The following CAPN2 variants were observed in gnomAD, a reference collection of about 807,000 sequenced individuals.
The protein encoded by CAPN2 is calpain-2 catalytic subunit.
In CAPN2, 92 loss-of-function variants were observed where a neutral mutation model predicts 102.3. The observed-to-expected ratio is 0.90, with a 90% CI of 0.76 to 1.07. The LOEUF is 1.07. Ranked by LOEUF, CAPN2 falls within the 50% of genes least tolerant of loss-of-function variation. The pLI is 0.00. For missense variants in CAPN2, 800 were observed against 909.4 expected, an observed-to-expected ratio of 0.88 and a Z score of 1.55; for synonymous variants, 340 against 355.4, an observed-to-expected ratio of 0.96 and a Z score of 0.49.
intron 12 of CAPN2, 45 bp from the exon 13 acceptor site, chr1:223,761,536 C>T (rs747098377): frequency 6.4e-7 from 1 of 1,561,918 alleles, no homozygotes. Context: ...TTCCTTTTTG[C>T]CCTCGCCTGC....
rs190994778 is a variant in CAPN2 at position 223,772,130 on chromosome 1, G to C, written c.2021-51G>C. On this transcript the variant is annotated intron_variant, in intron 19 of 20. Transcript: ENST00000295006. ...TGCTGAACTGAAAAGAGGATAATGTGATCTGTTTCAGCTCACTCACTTGTG... is the reference window on the plus strand; with the variant it reads ...TGCTGAACTGAAAAGAGGATAATGTCATCTGTTTCAGCTCACTCACTTGTG... 23 of 1,531,332 alleles carry C rather than the reference G, an allele frequency of 1.5e-5. No individual in the cohort carries two copies. The East Asian group carries it at 5.2e-4, about 34-fold the overall frequency. The allele number at this position is 1,531,332 out of a possible 1,614,324, so 94.9% of individuals were successfully genotyped here.
intron 1 of CAPN2, among the ~76,000 whole-genome samples, chr1:223,702,969 C>G (rs1659520638): frequency 6.6e-6 from 1 of 152,216 alleles, no homozygotes; most frequent in African/African-American, 2.4e-5. Context: ...CTGCTGGACA[C>G]AGAGAGTAAG....
intron 2 of CAPN2, among the ~76,000 whole-genome samples, chr1:223,738,829 T>G (rs953788632): frequency 6.6e-6 from 1 of 152,248 alleles, no homozygotes; most frequent in African/African-American, 2.4e-5. Context: ...TGAAAGTGGT[T>G]CATGTGCAGG....
rs751394502 is a variant in CAPN2, at chr1:223,771,830, TCCA to T, written c.1929_1931del (p.His643del). ...TCAGGTTTCAAGATGCCCTGTCAAC[TCCA>T]CCAAGTCATCGTTGCTCGGTTTGCA... On this transcript the variant is annotated inframe_deletion, in exon 19 of 21. Coordinates refer to ENST00000295006, the MANE Select transcript of CAPN2 (RefSeq NM_001748.5). 11 of 1,613,360 alleles carry T rather than the reference TCCA, an allele frequency of 6.8e-6. No individual in the cohort carries two copies. The highest frequency in any genetic ancestry group is 7.6e-6 in the Non-Finnish European group (9 of 1,179,354).
chr1:223,741,463 TA>T lies in CAPN2; in HGVS notation c.308-2636del, dbSNP rs1283988865. On this transcript the variant is annotated intron_variant, in intron 2 of 20. Transcript: ENST00000295006. Reference sequence around the variant, plus strand: ...GTGTATATATATATATATATATATATATATATTTGAGAGGGAGTCTCATTCT... The same window carrying T: ...GTGTATATATATATATATATATATATTATATTTGAGAGGGAGTCTCATTCT... Among the ~76,000 whole-genome samples, 1,219 of 145,666 alleles carry T rather than the reference TA, an allele frequency of 8.4e-3. 48 individuals carry two copies. The East Asian group carries it at 0.11, about 13-fold the overall frequency.
rs914716817 is a variant in CAPN2 at position 223,775,407 on chromosome 1, T to G, written c.*550T>G. 1 of 153,232 alleles carries G rather than the reference T, an allele frequency of 6.5e-6. No homozygotes were observed. Among genetic ancestry groups the G allele is most frequent in the African/African-American group, 2.4e-5 (1 of 41,460 alleles). The allele number at this position is 153,232 out of a possible 1,614,324, so 9.5% of individuals were successfully genotyped here. ...ATCTGGAGAGTCCAGGAGAGAAGAC[T>G]CACCTCTGTCGCTTGGGTTAAACAA... On this transcript the variant is annotated 3_prime_UTR_variant, in exon 21 of 21. Coordinates refer to ENST00000295006, the MANE Select transcript of CAPN2 (RefSeq NM_001748.5).
chr1:223,738,791 G>A (rs151112739), intron 2 of CAPN2, among the ~76,000 whole-genome samples: 17 of 152,386 alleles, frequency 1.1e-4, no homozygotes, highest in Middle Eastern at 3.4e-3. Context: ...GGAGCTGTGA[G>A]TTGGGGACAA....
intron 2 of CAPN2, among the ~76,000 whole-genome samples, chr1:223,718,317 C>G (rs1227148848): frequency 2.6e-5 from 4 of 152,194 alleles, no homozygotes; most frequent in African/African-American, 4.8e-5. Context: ...GTTATAGTAC[C>G]AGGGCATTCT....
chr1:223,736,024 C>T (rs1001342622), intron 2 of CAPN2, among the ~76,000 whole-genome samples: 1 of 152,144 alleles, frequency 6.6e-6, no homozygotes, highest in Non-Finnish European at 1.5e-5. Context: ...GTGATCTGCC[C>T]ACCTTGGTCT....
rs28370114 is a variant in CAPN2, at chr1:223,759,609, C to T, written c.1529+128C>T. The T allele has an allele frequency of 1.9e-4, 133 of 687,718 alleles. No homozygotes were observed. Among genetic ancestry groups the T allele is most frequent in the Non-Finnish European group, 2.7e-4 (111 of 407,490 alleles). 42.6% of individuals were successfully genotyped at this position (687,718 alleles called of 1,614,324 possible). A position where few individuals can be genotyped will look rare whatever the true frequency, so the allele number is the denominator to read the frequency against. On this transcript the variant is annotated intron_variant, in intron 12 of 20. Transcript: ENST00000295006. The surrounding 1 kb of genome is among the most constrained non-coding windows in gnomAD (Gnocchi z 4.6). The stretch of plus-strand genomic sequence containing the variant: ...CTTTTTCTGTAACACCTGCCCACCT[C>T]GAAGGACTAGTGTGGGGATTTGATG...
Position 223,703,306 on chromosome 1 carries a change from G to A in CAPN2, c.3+1475G>A, listed in dbSNP as rs558360212. Among the ~76,000 whole-genome samples, 493 of 148,058 alleles carry A rather than the reference G, an allele frequency of 3.3e-3. 4 individuals carry two copies. The highest frequency in any genetic ancestry group is 0.012 in the African/African-American group (468 of 39,454). ...GATTAAATGAGTAAATATGTGCAAAGCATTTGATTTTTTTTTTTTTTAGAT... is the reference window on the plus strand; with the variant it reads ...GATTAAATGAGTAAATATGTGCAAAACATTTGATTTTTTTTTTTTTTAGAT... On this transcript the variant is annotated intron_variant, in intron 1 of 20. Transcript: ENST00000433674.
Position 223,754,027 on chromosome 1 carries a change from C to G in CAPN2, c.1135+1071C>G, listed in dbSNP as rs139875578. 1.5e-3 allele frequency among the ~76,000 whole-genome samples: 224 copies of G among 152,362 alleles called. 1 individual carries two copies. The highest frequency in any genetic ancestry group is 5.2e-3 in the African/African-American group (215 of 41,590). On this transcript the variant is annotated intron_variant, in intron 9 of 20. Coordinates refer to ENST00000295006, the MANE Select transcript of CAPN2 (RefSeq NM_001748.5). This position sits in a 1 kb window ranked among gnomAD's most constrained non-coding sequence, Gnocchi z 4.7. ...TGAGGCAGGCACTTTCTTATCACCT[C>G]CATCTCTAAGATGAGGAAACTGAGG... is the stretch of plus-strand genomic sequence containing the variant.
Position 223,755,456 on chromosome 1 carries a change from T to C in CAPN2, c.1136-24T>C. 6.2e-7 allele frequency: 1 copy of C among 1,613,034 alleles called. No individual in the cohort carries two copies. Among genetic ancestry groups the C allele is most frequent in the Non-Finnish European group, 8.5e-7 (1 of 1,179,662 alleles). ...CATGCATTCCTGCTCAGGGCTGGGC[T>C]CCTCTGCCCCTTTCTGGCTGCAGAC... On this transcript the variant is annotated intron_variant, in intron 9 of 20. Transcript: ENST00000295006. This position sits in a 1 kb window ranked among gnomAD's most constrained non-coding sequence, Gnocchi z 4.1.
chr1:223,720,012 A>G (rs1265203900), intron 2 of CAPN2, among the ~76,000 whole-genome samples: 1 of 152,174 alleles, frequency 6.6e-6, no homozygotes, highest in Non-Finnish European at 1.5e-5. Context: ...CAGCCTCACA[A>G]GCACCAGGAA....
At chr1:223,735,838 G>A (rs571018191) in intron 2 of CAPN2, among the ~76,000 whole-genome samples, 1 of 151,706 alleles carries the variant, frequency 6.6e-6, no homozygotes, top group Non-Finnish European at 1.5e-5. Context: ...GGAGTGAAGT[G>A]ACGTAATCTC....
chr1:223,757,658 T>C (rs1427695728), intron 11 of CAPN2: 3 of 511,728 alleles, frequency 5.9e-6, no homozygotes, highest in Non-Finnish European at 7.0e-6. Flanking sequence ...AAATCCATGA[T>C]CCTGAGACTG....
rs926783931 is a variant in CAPN2, at chr1:223,726,406, C to T, written c.307+8575C>T. 2.6e-5 allele frequency among the ~76,000 whole-genome samples: 4 copies of T among 152,262 alleles called. No homozygotes were observed. Among genetic ancestry groups the T allele is most frequent in the South Asian group, 4.1e-4 (2 of 4,830 alleles). Reference sequence around the variant, plus strand: ...AAAAACTCTGATATTGACTAGTGACCGTGGGGGCGATGGCCCAGGAGGGTC... The same window carrying T: ...AAAAACTCTGATATTGACTAGTGACTGTGGGGGCGATGGCCCAGGAGGGTC... On this transcript the variant is annotated intron_variant, in intron 2 of 20. Coordinates refer to ENST00000295006, the MANE Select transcript of CAPN2 (RefSeq NM_001748.5). This position sits in a 1 kb window ranked among gnomAD's most constrained non-coding sequence, Gnocchi z 4.4.
At chr1:223,752,112 C>T (rs760685299) in intron 8 of CAPN2, 41 bp downstream of exon 8, 1 of 1,387,216 alleles carries the variant, frequency 7.2e-7, no homozygotes, top group Non-Finnish European at 1.0e-6. Context: ...CTGTCTGCCC[C>T]AATGTTCTTT....
intron 2 of CAPN2, among the ~76,000 whole-genome samples, chr1:223,738,594 G>T (rs1243744654): frequency 6.6e-6 from 1 of 152,200 alleles, no homozygotes; most frequent in Non-Finnish European, 1.5e-5. Context: ...TGGGGTAAAT[G>T]ATTGTCCAAG....
Sources: allele counts gnomAD v4.1 joint callset (sites outside exome capture counted in the v4.1 genomes callset), GRCh38; gene constraint gnomAD v4.1.1; non-coding constraint Gnocchi (gnomAD v3.1); transcripts MANE v1.5; gene names NCBI Gene and HGNC (gene_info 2026-07-23, HGNC 2026-07-21).